The following DGKG variants were observed in gnomAD, a reference collection of about 807,000 sequenced individuals.
The protein encoded by DGKG is diacylglycerol kinase gamma, also known as DAG kinase gamma.
In DGKG, 78 loss-of-function variants were observed where a neutral mutation model predicts 105.3. The observed-to-expected ratio is 0.74, with a 90% confidence interval of 0.62 to 0.89. The LOEUF is 0.89. Among genes scored for constraint, DGKG ranks in the 40% least tolerant of loss-of-function variants. The pLI, the probability that DGKG is intolerant of heterozygous loss-of-function variation, is 0.00. For missense variants in DGKG, 958 were observed against 1,020.1 expected (o/e 0.94, Z 0.83); for synonymous variants, 346 against 367.1 (o/e 0.94, Z 0.66).
chr3:186,189,318 T>C (rs1325285643), intron 21 of DGKG, among the ~76,000 whole-genome samples: 1 of 152,220 alleles, frequency 6.6e-6, no homozygotes. Flanking sequence ...GCCAGAAGGC[T>C]TGAATTTTCA....
At chr3:186,291,819 G>A (rs1383762509) in intron 5 of DGKG, among the ~76,000 whole-genome samples, 1 of 152,092 alleles carries the variant, frequency 6.6e-6, no homozygotes, top group Non-Finnish European at 1.5e-5. Context: ...TATTAATTGT[G>A]GTACTAGTTT....
At chr3:186,187,013 G>C (rs562534654) in intron 22 of DGKG, among the ~76,000 whole-genome samples, 2 of 152,378 alleles carry the variant, frequency 1.3e-5, no homozygotes, top group African/African-American at 4.8e-5. Flanking sequence ...AGGAACCAGA[G>C]TGGAGGAGGC....
chr3:186,255,630 T>G (rs1289967866), intron 17 of DGKG, among the ~76,000 whole-genome samples: 1 of 152,092 alleles, frequency 6.6e-6, no homozygotes, highest in Non-Finnish European at 1.5e-5. Flanking sequence ...GAGGTAGAAA[T>G]AAGGCTGGAA....
At chr3:186,247,961 C>CTTCCTTCCTTCCTTCT (rs1466415471) in intron 19 of DGKG, among the ~76,000 whole-genome samples, 1 of 151,910 alleles carries the variant, frequency 6.6e-6, no homozygotes, top group Non-Finnish European at 1.5e-5. Flanking sequence ...GCCAGCAGGA[C>CTTCCTTCCTTCCTTCT]TTCCTTCCTT....
At chr3:186,283,571 C>T (rs1722926371) in intron 7 of DGKG, among the ~76,000 whole-genome samples, 1 of 152,214 alleles carries the variant, frequency 6.6e-6, no homozygotes, top group Non-Finnish European at 1.5e-5. Flanking sequence ...CCCATCCCTA[C>T]CTGACACATG....
chr3:186,151,912 G>A (rs1219414359), intron 24 of DGKG, among the ~76,000 whole-genome samples: 3 of 151,946 alleles, frequency 2.0e-5, no homozygotes, highest in Non-Finnish European at 4.4e-5. Flanking sequence ...AACCCCGTTT[G>A]TACTAAAAAT....
intron 11 of DGKG, among the ~76,000 whole-genome samples, chr3:186,270,043 A>T (rs1722245853): frequency 6.6e-6 from 1 of 152,220 alleles, no homozygotes; most frequent in Admixed American, 6.5e-5. Context: ...GGTGGGGGAC[A>T]TACCCTGAAG....
intron 21 of DGKG, among the ~76,000 whole-genome samples, chr3:186,209,088 C>CTTTTTTTTTTTTTTT (rs1560096022): frequency 4.8e-5 from 6 of 124,902 alleles, no homozygotes; most frequent in African/African-American, 2.0e-4. Context: ...CTTCAGTTTA[C>CTTTTTTTTTTTTTTT]TCTTCTTTTT....
At chr3:186,163,205 A>G (rs1382384365) in intron 23 of DGKG, among the ~76,000 whole-genome samples, 1 of 151,962 alleles carries the variant, frequency 6.6e-6, no homozygotes, top group Non-Finnish European at 1.5e-5. Flanking sequence ...GGGTCTTGCT[A>G]TGTTGCCCCT....
Position 186,203,133 on chromosome 3 carries a change from A to G in DGKG, c.1917+8662T>C, listed in dbSNP as rs534084395. 1.4e-4 allele frequency among the ~76,000 whole-genome samples: 21 copies of G among 152,366 alleles called. No homozygotes were observed. Among genetic ancestry groups the G allele is most frequent in the African/African-American group, 5.0e-4 (21 of 41,596 alleles). The stretch of plus-strand genomic sequence containing the variant: ...CAAACAATGGAATTTTGTAAGGGAA[A>G]GTTGACAGAAACAGTTTTTCTTTAG... On this transcript the variant is annotated intron_variant, in intron 21 of 24. Transcript: ENST00000265022. The surrounding 1 kb of genome is among the most constrained non-coding windows in gnomAD (Gnocchi z 4.9).
At chr3:186,161,762 C>T in intron 23 of DGKG, 99 bp from the exon 24 acceptor site, 2 of 1,565,256 alleles carry the variant, frequency 1.3e-6, no homozygotes, top group Non-Finnish European at 1.7e-6. Context: ...ACCTTATCTG[C>T]CTACCTAAGT....
At position 186,156,528 on chromosome 3, in the gene DGKG, C is replaced by T. The variant is rs552492438; in HGVS notation, c.2277+5075G>A. On this transcript the variant is annotated intron_variant, in intron 24 of 24. Transcript: ENST00000265022. The stretch of plus-strand genomic sequence containing the variant: ...TGTGGCTTTATAATTATTTTAATAT[C>T]TTGCGAGAAGTTATTTCTCAGCGTT... Among the ~76,000 whole-genome samples the T allele has an allele frequency of 6.6e-5, 10 of 152,114 alleles. No homozygotes were observed. In the East Asian group the frequency reaches 1.9e-3, roughly 29 times the overall value.
At chr3:186,339,660 G>A (rs1442130088) in intron 1 of DGKG, among the ~76,000 whole-genome samples, 1 of 152,160 alleles carries the variant, frequency 6.6e-6, no homozygotes, top group East Asian at 1.9e-4. Flanking sequence ...ATGTGTGTGG[G>A]TTGTGGGGGT....
chr3:186,308,546 G>T (rs761800135), intron 2 of DGKG, among the ~76,000 whole-genome samples: 3 of 152,220 alleles, frequency 2.0e-5, no homozygotes, highest in African/African-American at 7.2e-5. Flanking sequence ...CATATTCGTG[G>T]GCTGGGCTGT....
intron 1 of DGKG, among the ~76,000 whole-genome samples, chr3:186,358,506 T>TTGTGTGTGTGTG (rs142522791): frequency 0.015 from 2,209 of 150,028 alleles, 51 homozygotes; most frequent in African/African-American, 0.048. Context: ...TTCTAACCCT[T>TTGTGTGTGTGTG]TGTGTGTGTG....
At chr3:186,175,677 C>T (rs1027163261) in intron 22 of DGKG, among the ~76,000 whole-genome samples, 10 of 152,118 alleles carry the variant, frequency 6.6e-5, no homozygotes, top group Non-Finnish European at 1.5e-5. Flanking sequence ...CCGGTGAGGT[C>T]CAGTGCTGGG....
chr3:186,265,484 C>CT (rs11354963), intron 13 of DGKG, among the ~76,000 whole-genome samples, 178 bp from the exon 14 acceptor site: 2 of 151,878 alleles, frequency 1.3e-5, no homozygotes, highest in Non-Finnish European at 2.9e-5. Flanking sequence ...ACCCCTATGA[C>CT]TTTTTCTAGG....
intron 9 of DGKG, among the ~76,000 whole-genome samples, chr3:186,278,270 A>T (rs1207769675): frequency 6.6e-6 from 1 of 151,974 alleles, no homozygotes; most frequent in Non-Finnish European, 1.5e-5. Context: ...AGAAAAAAAA[A>T]ATGGTGTTTT....
chr3:186,265,661 T>C (rs1334162909), intron 13 of DGKG, among the ~76,000 whole-genome samples: 1 of 133,754 alleles, frequency 7.5e-6, no homozygotes, highest in Non-Finnish European at 1.6e-5. Flanking sequence ...TCCTTTCTTT[T>C]TTTTTTTTTT....
Sources: allele counts gnomAD v4.1 joint callset (sites outside exome capture counted in the v4.1 genomes callset), GRCh38; gene constraint gnomAD v4.1.1; non-coding constraint Gnocchi (gnomAD v3.1); transcripts MANE v1.5; gene names NCBI Gene and HGNC (gene_info 2026-07-23, HGNC 2026-07-21).